ZNHIT6: variants seen among roughly 807,000 people sequenced by gnomAD.
ZNHIT6 encodes the protein box C/D snoRNA protein 1.
ZNHIT6 carries 45 observed loss-of-function variants against 57.2 expected under a neutral mutation model. That is an observed-to-expected ratio of 0.79 (90% confidence interval 0.62 to 1.01). The LOEUF (loss-of-function observed/expected upper bound fraction) is 1.01. ZNHIT6 is among the 50% of genes least tolerant of loss of function. ZNHIT6 has a pLI of 0.00. For missense variants in ZNHIT6, 528 were observed against 567.3 expected, an observed-to-expected ratio of 0.93 and a Z score of 0.70; for synonymous variants, 188 against 190.0, an observed-to-expected ratio of 0.99 and a Z score of 0.09.
At chr1:85,655,887 T>C (rs918561454) in intron 9 of ZNHIT6, among the ~76,000 whole-genome samples, 2 of 152,134 alleles carry the variant, frequency 1.3e-5, no homozygotes, top group Non-Finnish European at 2.9e-5. Flanking sequence ...ATTATGGCAA[T>C]CTACAATCAT....
chr1:85,660,782 G>A (rs1397350091), intron 8 of ZNHIT6, among the ~76,000 whole-genome samples: 1 of 152,038 alleles, frequency 6.6e-6, no homozygotes, highest in African/African-American at 2.4e-5. Context: ...TGCTAAGCAG[G>A]CACTTAAAAA....
At chr1:85,668,381 T>G (rs1291511094) in intron 8 of ZNHIT6, among the ~76,000 whole-genome samples, 1 of 152,120 alleles carries the variant, frequency 6.6e-6, no homozygotes, top group African/African-American at 2.4e-5. Context: ...GAATCAAATT[T>G]CAAAAGGAAA....
Position 85,706,271 on chromosome 1 carries a change from A to C in ZNHIT6, c.807T>G (p.Phe269Leu), listed in dbSNP as rs772636155. 1.2e-5 allele frequency: 20 copies of C among 1,611,676 alleles called. No individual in the cohort carries two copies. The highest frequency in any genetic ancestry group is 1.5e-5 in the Non-Finnish European group (18 of 1,178,462). ...TACCACTTAGGAGATTCATTTCAGT[A>C]AACTGTTGTATTGAAATGTATGCAG... is the stretch of plus-strand genomic sequence containing the variant. ...DKTAYISIQQ[F>L]TEMNLLSDYR... The change falls in exon 3 of 10, where the codon TTT (phenylalanine) becomes TTG (leucine). Residue 269 changes from phenylalanine (F) to leucine (L), a missense_variant. By Grantham distance (22) the Phe-to-Leu change is conservative. Coordinates refer to ENST00000370574, the MANE Select transcript of ZNHIT6 (RefSeq NM_017953.4).
At chr1:85,678,131 T>C (rs1490150349) in intron 7 of ZNHIT6, among the ~76,000 whole-genome samples, 1 of 152,178 alleles carries the variant, frequency 6.6e-6, no homozygotes, top group East Asian at 1.9e-4. Flanking sequence ...CAGATATCCA[T>C]GACTGAATCT....
chr1:85,689,708 C>T (rs1182776780), intron 5 of ZNHIT6, among the ~76,000 whole-genome samples: 1 of 152,126 alleles, frequency 6.6e-6, no homozygotes, highest in Non-Finnish European at 1.5e-5. Flanking sequence ...TTAAGCAGTT[C>T]TCAACTGGGA....
rs767527758 is a variant in ZNHIT6 at position 85,708,006 on chromosome 1, A to C, written c.279T>G (p.Ala93=). 6.2e-7 allele frequency: 1 copy of C among 1,614,094 alleles called. No homozygotes were observed. Among genetic ancestry groups the C allele is most frequent in the Admixed American group, 1.7e-5 (1 of 60,012 alleles). Residue 93 remains alanine, a synonymous_variant, in exon 1 of 10, where the codon GCT becomes GCG. Transcript: ENST00000370574. Reference sequence around the variant, plus strand: ...CCACCTCCTGTTCTACCCACTGGCCAGCCAACCTGCCTTCTGTACCTGGCC... The same window carrying C: ...CCACCTCCTGTTCTACCCACTGGCCCGCCAACCTGCCTTCTGTACCTGGCC... ...IDWPGTEGRL[A]GQWVEQEVED...
At chr1:85,687,860 T>C (rs568458721) in intron 5 of ZNHIT6, among the ~76,000 whole-genome samples, 58 of 152,202 alleles carry the variant, frequency 3.8e-4, no homozygotes, top group Admixed American at 1.1e-3. Context: ...CTGGCCAACA[T>C]GGTGAAACCC....
At chr1:85,705,958 G>T in intron 4 of ZNHIT6, 120 bp downstream of exon 4, 1 of 816,640 alleles carries the variant, frequency 1.2e-6, no homozygotes, top group Non-Finnish European at 1.9e-6. Context: ...ATATCCTTAA[G>T]TAATCAGAAT....
In ZNHIT6 at chr1:85,653,135, G is replaced by A. The variant is rs1354994919; in HGVS notation, c.*923C>T. On this transcript the variant is annotated 3_prime_UTR_variant, in exon 10 of 10. Transcript: ENST00000370574. ...AAGGCACAGAATTCATAAGACTTGA[G>A]TAAGTAGATCCAAATTTGTTATCAC... is the stretch of plus-strand genomic sequence containing the variant. 1 of 152,154 alleles carries A rather than the reference G, an allele frequency of 6.6e-6. No individual in the cohort carries two copies. Among genetic ancestry groups the A allele is most frequent in the Non-Finnish European group, 1.5e-5 (1 of 68,032 alleles). 9.4% of individuals were successfully genotyped at this position (152,154 alleles called of 1,614,324 possible).
chr1:85,659,249 T>A (rs1661160605), intron 8 of ZNHIT6, among the ~76,000 whole-genome samples: 1 of 152,176 alleles, frequency 6.6e-6, no homozygotes, highest in Non-Finnish European at 1.5e-5. Flanking sequence ...TGAAAATGCA[T>A]CCCCAGAACA....
intron 1 of ZNHIT6, among the ~76,000 whole-genome samples, chr1:85,706,887 G>A (rs537670876): frequency 6.6e-6 from 1 of 152,242 alleles, no homozygotes; most frequent in East Asian, 1.9e-4. Context: ...TATTTTTAAA[G>A]CACACACCAG....
At chr1:85,694,998 G>A (rs897600397) in intron 5 of ZNHIT6, among the ~76,000 whole-genome samples, 10 of 151,956 alleles carry the variant, frequency 6.6e-5, no homozygotes, top group African/African-American at 1.9e-4. Context: ...GCACAGTGGC[G>A]CACATCTGTA....
intron 5 of ZNHIT6, among the ~76,000 whole-genome samples, chr1:85,701,311 AG>A (rs1662524402): frequency 1.3e-5 from 2 of 152,200 alleles, no homozygotes; most frequent in South Asian, 4.1e-4. Flanking sequence ...GCCCAGAGAA[AG>A]GAAGTTGATT....
chr1:85,665,633 T>C (rs1184536073), intron 8 of ZNHIT6, among the ~76,000 whole-genome samples: 1 of 152,182 alleles, frequency 6.6e-6, no homozygotes, highest in Non-Finnish European at 1.5e-5. Flanking sequence ...TGCACTTTTT[T>C]CCCCTCTAAT....
chr1:85,685,959 TTTTTTTTTC>T (rs943916897), intron 5 of ZNHIT6, among the ~76,000 whole-genome samples: 4 of 151,644 alleles, frequency 2.6e-5, no homozygotes, highest in African/African-American at 7.3e-5. Flanking sequence ...ACATTCTTTT[TTTTTTTTTC>T]TTTTTTTTCT....
chr1:85,698,806 C>A (rs948405386), intron 5 of ZNHIT6, among the ~76,000 whole-genome samples: 1 of 152,070 alleles, frequency 6.6e-6, no homozygotes, highest in Non-Finnish European at 1.5e-5. Context: ...GGTTTCACTG[C>A]ACAAATAGTA....
chr1:85,707,433 CA>C (rs1289191596), intron 1 of ZNHIT6, among the ~76,000 whole-genome samples, 195 bp downstream of exon 1: 1 of 152,170 alleles, frequency 6.6e-6, no homozygotes, highest in African/African-American at 2.4e-5. Context: ...CATGTATTTT[CA>C]CTGAATTTGT....
intron 4 of ZNHIT6, among the ~76,000 whole-genome samples, chr1:85,703,098 G>A (rs1662582147): frequency 6.6e-6 from 1 of 152,068 alleles, no homozygotes; most frequent in South Asian, 2.1e-4. Context: ...ATAATTTAGA[G>A]GACTTTAGTT....
rs774143186 is a variant in ZNHIT6, at chr1:85,650,230, G to C, written c.*3828C>G. 15 of 152,208 alleles carry C rather than the reference G, an allele frequency of 9.9e-5. No homozygotes were observed. The highest frequency in any genetic ancestry group is 2.1e-4 in the Non-Finnish European group (14 of 68,054). The allele number at this position is 152,208 out of a possible 1,614,324, so 9.4% of individuals were successfully genotyped here. On this transcript the variant is annotated 3_prime_UTR_variant, in exon 10 of 10. Coordinates refer to ENST00000370574, the MANE Select transcript of ZNHIT6 (RefSeq NM_017953.4). ...TTGCTTTATAAAAGCTTTCAGCCTTGTTATGCTAAGGTAAGCTGAAAATGT... is the reference window on the plus strand; with the variant it reads ...TTGCTTTATAAAAGCTTTCAGCCTTCTTATGCTAAGGTAAGCTGAAAATGT...
Sources: gnomAD v4.1 joint callset for allele counts (sites outside exome capture counted in the v4.1 genomes callset) on GRCh38, gnomAD v4.1.1 for gene constraint, MANE v1.5 for transcripts, NCBI Gene and HGNC (gene_info 2026-07-23, HGNC 2026-07-21) for gene names.